The following FAM81A variants were observed in gnomAD, a reference collection of about 807,000 sequenced individuals.
The protein encoded by FAM81A is protein FAM81A.
FAM81A carries 19 observed loss-of-function variants against 46.7 expected under a neutral mutation model. The observed-to-expected ratio is 0.41, with a 90% confidence interval of 0.28 to 0.60. FAM81A has a LOEUF of 0.60. FAM81A is among the 20% of genes least tolerant of loss of function. The pLI is 0.34. For synonymous variants in FAM81A, 183 were observed against 152.9 expected (o/e 1.20, Z -1.45); for missense variants, 377 against 453.5 (o/e 0.83, Z 1.53).
intron 3 of FAM81A, among the ~76,000 whole-genome samples, chr15:59,484,904 G>T (rs1423152743): frequency 1.3e-5 from 2 of 152,126 alleles, no homozygotes; most frequent in Non-Finnish European, 2.9e-5. Flanking sequence ...TGCTCTGAAG[G>T]GTGAGTCCCA....
intron 2 of FAM81A, among the ~76,000 whole-genome samples, chr15:59,424,575 A>C (rs2081187425): frequency 6.6e-6 from 1 of 152,208 alleles, no homozygotes; most frequent in African/African-American, 2.4e-5. Flanking sequence ...GTCCAAAACT[A>C]AGCTCTCGAT....
chr15:59,480,888 C>T (rs1367987837), intron 3 of FAM81A, among the ~76,000 whole-genome samples: 2 of 152,216 alleles, frequency 1.3e-5, no homozygotes, highest in Non-Finnish European at 2.9e-5. Flanking sequence ...AAGTAATAAG[C>T]CGTCTAACAC....
At chr15:59,449,731 G>A (rs1436572108) in intron 1 of FAM81A, among the ~76,000 whole-genome samples, 19 of 139,514 alleles carry the variant, frequency 1.4e-4, no homozygotes, top group African/African-American at 4.3e-4. Flanking sequence ...GCAGTGAGCC[G>A]AGATCGCGCC....
chr15:59,444,872 G>T (rs2081337901), intron 1 of FAM81A, among the ~76,000 whole-genome samples: 1 of 152,072 alleles, frequency 6.6e-6, no homozygotes, highest in African/African-American at 2.4e-5. Flanking sequence ...TGCCTTGGTG[G>T]TCTTTTGTCG....
rs767211290 is a variant in FAM81A at position 59,507,390 on chromosome 15, G to C, written c.543+48G>C. 40 of 1,591,150 alleles carry C rather than the reference G, an allele frequency of 2.5e-5. No homozygotes were observed. The South Asian group carries it at 4.6e-4, about 18-fold the overall frequency. On this transcript the variant is annotated intron_variant, in intron 5 of 8. Transcript: ENST00000288228. ...TTTAGAAGCGGGTAATTTGTTCTTA[G>C]CTAAGAATAACATGGTGTTGATTAT... is the stretch of plus-strand genomic sequence containing the variant.
chr15:59,513,522 G>C (rs2082235494), intron 6 of FAM81A, among the ~76,000 whole-genome samples: 1 of 152,206 alleles, frequency 6.6e-6, no homozygotes, highest in African/African-American at 2.4e-5. Context: ...TGGTTTATCT[G>C]TTGTATTCTC....
chr15:59,470,385 G>A (rs903124884), intron 3 of FAM81A, among the ~76,000 whole-genome samples: 2 of 152,094 alleles, frequency 1.3e-5, no homozygotes. Flanking sequence ...CATATTTCTT[G>A]GAGGCTTTAC....
intron 2 of FAM81A, among the ~76,000 whole-genome samples, chr15:59,430,198 G>T (rs1260535680): frequency 6.6e-6 from 1 of 150,798 alleles, no homozygotes; most frequent in Non-Finnish European, 1.5e-5. Context: ...GGGGAGGATA[G>T]GACAGTGATG....
intron 2 of FAM81A, chr15:59,407,015 G>T: frequency 6.0e-6 from 1 of 166,664 alleles, no homozygotes; most frequent in South Asian, 1.6e-4. Context: ...GCTTGGCAAT[G>T]AGAGCCACAG....
At chr15:59,488,431 AAAAG>A (rs1470587518) in intron 3 of FAM81A, among the ~76,000 whole-genome samples, 70 of 150,982 alleles carry the variant, frequency 4.6e-4, no homozygotes, top group African/African-American at 1.4e-3. Context: ...GCAATCAGAC[AAAAG>A]AAAGAAAGAA....
At chr15:59,501,468 CAT>C (rs1376152318) in intron 4 of FAM81A, among the ~76,000 whole-genome samples, 4 of 151,762 alleles carry the variant, frequency 2.6e-5, no homozygotes, top group South Asian at 2.1e-4. Context: ...CTTAATGATA[CAT>C]ATATATATAA....
intron 4 of FAM81A, among the ~76,000 whole-genome samples, chr15:59,498,062 C>T (rs1450086614): frequency 2.0e-5 from 3 of 152,124 alleles, no homozygotes; most frequent in Non-Finnish European, 4.4e-5. Flanking sequence ...CTCTCCCAGG[C>T]TGGTCTTGAA....
At chr15:59,514,621 C>T (rs2082247897) in intron 7 of FAM81A, among the ~76,000 whole-genome samples, 197 bp downstream of exon 7, 1 of 152,130 alleles carries the variant, frequency 6.6e-6, no homozygotes, top group South Asian at 2.1e-4. Context: ...TTTTGGTTAA[C>T]AAAGACTAAG....
intron 2 of FAM81A, among the ~76,000 whole-genome samples, chr15:59,417,115 A>T (rs1183018251): frequency 2.0e-5 from 3 of 152,090 alleles, no homozygotes; most frequent in Non-Finnish European, 4.4e-5. Context: ...CCTGGGAAAT[A>T]CATTTTTAAA....
intron 1 of FAM81A, chr15:59,440,192 G>C (rs1409258338): frequency 6.6e-6 from 1 of 152,018 alleles, no homozygotes; most frequent in African/African-American, 2.4e-5. Flanking sequence ...AAACCTGGGG[G>C]CTCCTCAGAA....
chr15:59,465,588 C>G (rs1188403628), intron 3 of FAM81A, among the ~76,000 whole-genome samples: 2 of 152,110 alleles, frequency 1.3e-5, no homozygotes, highest in African/African-American at 2.4e-5. Flanking sequence ...TTTGTTCTTG[C>G]CCAGGGTTGC....
At chr15:59,489,269 ACATACAT>A (rs1351935405) in intron 3 of FAM81A, among the ~76,000 whole-genome samples, 1 of 21,128 alleles carries the variant, frequency 4.7e-5, no homozygotes, top group Non-Finnish European at 8.3e-5. Flanking sequence ...CATCTCAAAT[ACATACAT>A]ACATACATAC....
intron 4 of FAM81A, among the ~76,000 whole-genome samples, chr15:59,503,838 G>T (rs2082121685): frequency 6.6e-6 from 1 of 152,156 alleles, no homozygotes; most frequent in African/African-American, 2.4e-5. Context: ...CTCCTAAAGT[G>T]CTGGGATTAC....
At chr15:59,509,066 A>G in intron 6 of FAM81A, 97 bp downstream of exon 6, 1 of 920,528 alleles carries the variant, frequency 1.1e-6, no homozygotes, top group South Asian at 1.9e-5. Flanking sequence ...TTTATTGCAC[A>G]AATTGAAAAC....
Sources: allele counts gnomAD v4.1 joint callset (sites outside exome capture counted in the v4.1 genomes callset), GRCh38; gene constraint gnomAD v4.1.1; transcripts MANE v1.5; gene names NCBI Gene and HGNC (gene_info 2026-07-23, HGNC 2026-07-21).